Variants in GSR observed in about 807,000 individuals in gnomAD.
GSR encodes the protein glutathione-disulfide reductase.
A neutral mutation model predicts 56.5 loss-of-function variants in GSR; 48 were observed. The observed-to-expected ratio is 0.85, with a 90% confidence interval of 0.67 to 1.08. The LOEUF (loss-of-function observed/expected upper bound fraction) is 1.08. GSR is among the 50% of genes least tolerant of loss of function. The pLI is 0.00. For synonymous variants in GSR, 264 were observed against 270.8 expected, an observed-to-expected ratio of 0.97 and a Z score of 0.25; for missense variants, 694 against 703.3, an observed-to-expected ratio of 0.99 and a Z score of 0.15.
At chr8:30,702,946 C>G in intron 5 of GSR, 147 bp downstream of exon 5, 1 of 821,042 alleles carries the variant, frequency 1.2e-6, no homozygotes, top group Non-Finnish European at 2.1e-6. Flanking sequence ...ACTAAGCCAA[C>G]TGGAGTTAGG....
chr8:30,704,098 G>A (rs1734906235), intron 4 of GSR, among the ~76,000 whole-genome samples: 1 of 152,074 alleles, frequency 6.6e-6, no homozygotes, highest in Non-Finnish European at 1.5e-5. Flanking sequence ...GCCGAGGCAG[G>A]CAGATCACCT....
In GSR at chr8:30,703,158, G is replaced by C; in HGVS notation, c.575C>G (p.Thr192Ser). The C allele has an allele frequency of 6.2e-7, 1 of 1,614,084 alleles. No individual in the cohort carries two copies. The highest frequency in any genetic ancestry group is 8.5e-7 in the Non-Finnish European group (1 of 1,179,956). The part of the protein sequence containing the change: ...PTIEVSGKKY[T>S]APHILIATGG... The stretch of plus-strand genomic sequence containing the variant: ...TGTGGCGATCAGGATGTGTGGGGCG[G>C]TGTACTTTTTCCCACTGACCTCTAT... Residue 192 changes from threonine to serine, a missense_variant, in exon 5 of 13, where the codon ACC becomes AGC. Transcript: ENST00000221130.
intron 5 of GSR, among the ~76,000 whole-genome samples, chr8:30,702,480 G>A (rs1383016319): frequency 2.6e-5 from 4 of 152,092 alleles, no homozygotes; most frequent in Non-Finnish European, 5.9e-5. Context: ...ATCCTTACAA[G>A]ATTTCTCTCT....
chr8:30,727,775 G>GCGCCGCC lies in GSR; in HGVS notation c.54_60dup (p.Arg21GlyfsTer48). 1.5e-6 allele frequency: 2 copies of GCGCCGCC among 1,359,546 alleles called. No homozygotes were observed. Among genetic ancestry groups the GCGCCGCC allele is most frequent in the Non-Finnish European group, 1.9e-6 (2 of 1,055,610 alleles). The allele number at this position is 1,359,546 out of a possible 1,614,324, so 84.2% of individuals were successfully genotyped here. A position where few individuals can be genotyped will look rare whatever the true frequency, so the allele number is the denominator to read the frequency against. ...AGCAGCAGGAAGCCTCGGAAGGCGC[G>GCGCCGCC]CGCCGCCCGCCGCCAGCTCGGTCCC... On this transcript the variant is annotated frameshift_variant, in exon 1 of 13. Transcript: ENST00000221130. LOFTEE classifies it high-confidence loss of function.
intron 2 of GSR, 51 bp from the exon 3 acceptor site, chr8:30,709,953 G>T: frequency 1.0e-6 from 1 of 1,001,778 alleles, no homozygotes; most frequent in Non-Finnish European, 1.5e-6. Flanking sequence ...AATCAGTCCT[G>T]AGGGAAAAAA....
At chr8:30,719,395 C>T (rs939652880) in intron 1 of GSR, among the ~76,000 whole-genome samples, 1 of 151,988 alleles carries the variant, frequency 6.6e-6, no homozygotes. Context: ...GGATTACTGG[C>T]CTGAGCCACC....
intron 5 of GSR, among the ~76,000 whole-genome samples, chr8:30,701,879 A>C (rs1243596981): frequency 6.6e-6 from 1 of 151,450 alleles, no homozygotes; most frequent in Non-Finnish European, 1.5e-5. Flanking sequence ...AGATGTATAA[A>C]CTATGTTCAC....
At chr8:30,697,202 T>C (rs1803574684) in intron 6 of GSR, among the ~76,000 whole-genome samples, 1 of 151,900 alleles carries the variant, frequency 6.6e-6, no homozygotes, top group South Asian at 2.1e-4. Context: ...GATCACCTGG[T>C]CAGGAGTTCG....
intron 11 of GSR, among the ~76,000 whole-genome samples, chr8:30,681,418 C>T (rs542582672): frequency 3.9e-4 from 59 of 151,818 alleles, no homozygotes; most frequent in African/African-American, 1.4e-3. Flanking sequence ...CCCAGCTATT[C>T]GGGAGGCTGA....
At chr8:30,703,345 G>A (rs755299544) in intron 4 of GSR, 105 bp from the exon 5 acceptor site, 7 of 1,060,562 alleles carry the variant, frequency 6.6e-6, no homozygotes, top group Non-Finnish European at 1.0e-5. Flanking sequence ...TTGATTCTTG[G>A]TTTGCTGATG....
At chr8:30,681,853 C>CA in intron 11 of GSR, 77 bp downstream of exon 11, 1 of 1,364,084 alleles carries the variant, frequency 7.3e-7, no homozygotes, top group South Asian at 1.2e-5. Context: ...CATCAGCTGA[C>CA]AGAGACCTAA....
intron 5 of GSR, among the ~76,000 whole-genome samples, chr8:30,700,949 A>G (rs559736485): frequency 2.6e-5 from 4 of 152,106 alleles, no homozygotes; most frequent in Non-Finnish European, 5.9e-5. Flanking sequence ...CCTTCTCCCC[A>G]GGTTGCAGTT....
chr8:30,723,432 C>T (rs1423608384), intron 1 of GSR, among the ~76,000 whole-genome samples: 1 of 152,070 alleles, frequency 6.6e-6, no homozygotes, highest in Non-Finnish European at 1.5e-5. Context: ...TTTGAGGCTA[C>T]AGTGAGCTGA....
intron 1 of GSR, among the ~76,000 whole-genome samples, chr8:30,722,342 C>T (rs1187925819): frequency 6.6e-6 from 1 of 152,154 alleles, no homozygotes; most frequent in Non-Finnish European, 1.5e-5. Context: ...TTAGGGTAAC[C>T]TTCTATTTCG....
intron 8 of GSR, among the ~76,000 whole-genome samples, chr8:30,692,728 C>T (rs1205107104): frequency 3.3e-5 from 5 of 151,862 alleles, no homozygotes; most frequent in African/African-American, 1.2e-4. Context: ...TCTCGAAGTC[C>T]TGACTTCAAG....
chr8:30,716,299 T>C (rs1234614468), intron 1 of GSR, among the ~76,000 whole-genome samples: 1 of 152,090 alleles, frequency 6.6e-6, no homozygotes, highest in Non-Finnish European at 1.5e-5. Context: ...TGGTGGAAAA[T>C]TGTGGCCTTG....
At chr8:30,725,831 C>G (rs1804704142) in intron 1 of GSR, among the ~76,000 whole-genome samples, 2 of 136,550 alleles carry the variant, frequency 1.5e-5, no homozygotes, top group Non-Finnish European at 3.1e-5. Flanking sequence ...GCAGTGAGCC[C>G]AGATTGCACC....
chr8:30,679,439 A>T lies in GSR; in HGVS notation c.*81T>A. 1 of 1,357,810 alleles carries T rather than the reference A, an allele frequency of 7.4e-7. No individual in the cohort carries two copies. Among genetic ancestry groups the T allele is most frequent in the Non-Finnish European group, 1.0e-6 (1 of 955,712 alleles). 84.1% of individuals were successfully genotyped at this position (1,357,810 alleles called of 1,614,324 possible). Reference sequence around the variant, plus strand: ...TAAAATAAAGAAATACATAAAACTCAAACAGTAAGTCAATGTGATTATTTG... The same window carrying T: ...TAAAATAAAGAAATACATAAAACTCTAACAGTAAGTCAATGTGATTATTTG... On this transcript the variant is annotated 3_prime_UTR_variant, in exon 13 of 13. Coordinates refer to ENST00000221130, the MANE Select transcript of GSR (RefSeq NM_000637.5).
intron 6 of GSR, among the ~76,000 whole-genome samples, chr8:30,698,212 T>C (rs8190985): frequency 6.6e-6 from 1 of 152,214 alleles, no homozygotes; most frequent in African/African-American, 2.4e-5. Context: ...TAAAGTAGAC[T>C]TGAAGAATCA....
Sources: gnomAD v4.1 joint callset for allele counts (sites outside exome capture counted in the v4.1 genomes callset) on GRCh38, gnomAD v4.1.1 for gene constraint, MANE v1.5 for transcripts, NCBI Gene and HGNC (gene_info 2026-07-23, HGNC 2026-07-21) for gene names.